NRG1: variants seen among roughly 807,000 people sequenced by gnomAD.
NRG1 encodes pro-neuregulin-1, membrane-bound isoform.
In NRG1, 18 loss-of-function variants were observed where a neutral mutation model predicts 63.8. That is an observed-to-expected ratio of 0.28 (90% confidence interval 0.19 to 0.42). The LOEUF (loss-of-function observed/expected upper bound fraction) is 0.42. NRG1 is among the 10% of genes least tolerant of loss of function. The pLI, the probability that NRG1 is intolerant of heterozygous loss-of-function variation, is 1.00. For missense variants in NRG1, 762 were observed against 814.7 expected, an observed-to-expected ratio of 0.94 and a Z score of 0.79; for synonymous variants, 302 against 301.3, an observed-to-expected ratio of 1.00 and a Z score of -0.02.
At chr8:31,898,136 T>C (rs533649049) in intron 1 of NRG1, among the ~76,000 whole-genome samples, 2 of 152,204 alleles carry the variant, frequency 1.3e-5, no homozygotes, top group South Asian at 4.2e-4. Flanking sequence ...CATATATTGA[T>C]TGATGTCTTA....
intron 5 of NRG1, among the ~76,000 whole-genome samples, chr8:32,703,608 A>C (rs1815559629): frequency 6.6e-6 from 1 of 152,184 alleles, no homozygotes; most frequent in African/African-American, 2.4e-5. Flanking sequence ...CTGACAGGAT[A>C]GAACACATTG....
intron 1 of NRG1, among the ~76,000 whole-genome samples, chr8:32,315,946 C>A (rs1450114778): frequency 1.4e-5 from 2 of 144,152 alleles, no homozygotes; most frequent in African/African-American, 5.9e-5. Flanking sequence ...TTTTGCTAGG[C>A]AGTGGAGTAC....
At chr8:32,124,969 A>G (rs982807204) in intron 1 of NRG1, among the ~76,000 whole-genome samples, 1 of 151,792 alleles carries the variant, frequency 6.6e-6, no homozygotes, top group African/African-American at 2.4e-5. Context: ...CTAAATCCCC[A>G]TTTTGCAGTA....
chr8:32,030,243 G>A (rs1818052054), intron 1 of NRG1: 1 of 152,166 alleles, frequency 6.6e-6, no homozygotes, highest in Non-Finnish European at 1.5e-5. Flanking sequence ...AATCCTAGGG[G>A]CAGCCTTGCA....
exon 3 of NRG1, chr8:32,605,639 G>A (rs1428189069): frequency 6.2e-7 from 1 of 1,613,448 alleles, no homozygotes; most frequent in Non-Finnish European, 8.5e-7. Context: ...AGCAAATTAG[G>A]AAATGACAGT....
At position 32,393,349 on chromosome 8, in the gene NRG1, T is replaced by A. The variant is rs540047487; in HGVS notation, c.38-202479T>A. Among the ~76,000 whole-genome samples the A allele has an allele frequency of 2.0e-5, 3 of 152,234 alleles. No individual in the cohort carries two copies. In the South Asian group the frequency reaches 6.2e-4, roughly 32 times the overall value. ...GCTTGTGTTAGTTGCTGTTATAAAT[T>A]AAACTACTACTCAACCCAGCAGTCC... On this transcript the variant is annotated intron_variant, in intron 1 of 10. Transcript: ENST00000519301.
intron 1 of NRG1, among the ~76,000 whole-genome samples, chr8:32,060,465 C>T (rs1013798051): frequency 6.6e-6 from 1 of 151,896 alleles, no homozygotes; most frequent in African/African-American, 2.4e-5. Context: ...CTAACTAAAG[C>T]CTTGCTTTTC....
At chr8:31,724,198 G>C (rs772688031) in intron 1 of NRG1, among the ~76,000 whole-genome samples, 3 of 152,088 alleles carry the variant, frequency 2.0e-5, no homozygotes, top group Non-Finnish European at 2.9e-5. Context: ...AATGTAGAGA[G>C]AAAACCTAGA....
chr8:31,705,884 G>A (rs1168609609), intron 1 of NRG1, among the ~76,000 whole-genome samples: 1 of 151,940 alleles, frequency 6.6e-6, no homozygotes, highest in Non-Finnish European at 1.5e-5. Flanking sequence ...CAATTTTATG[G>A]TACTTTTATG....
intron 1 of NRG1, among the ~76,000 whole-genome samples, chr8:32,072,119 C>T (rs527461647): frequency 6.6e-6 from 1 of 152,120 alleles, no homozygotes; most frequent in Non-Finnish European, 1.5e-5. Flanking sequence ...GAATATGACT[C>T]TCGCCATTAA....
intron 1 of NRG1, among the ~76,000 whole-genome samples, chr8:32,378,410 T>C (rs1168042218): frequency 6.6e-6 from 1 of 152,162 alleles, no homozygotes; most frequent in Non-Finnish European, 1.5e-5. Flanking sequence ...GCCACTGTGG[T>C]AGGTACTTAA....
chr8:32,216,515 T>C, intron 1 of NRG1, among the ~76,000 whole-genome samples: 1 of 149,558 alleles, frequency 6.7e-6, no homozygotes, highest in South Asian at 2.1e-4. Context: ...ACAACCTTAC[T>C]AATACATCCA....
chr8:32,544,613 C>A (rs2129521777), upstream of NRG1, among the ~76,000 whole-genome samples: 1 of 151,494 alleles, frequency 6.6e-6, no homozygotes, highest in South Asian at 2.1e-4. Flanking sequence ...AGGTGATCCT[C>A]CCACCTCAAC....
intron 1 of NRG1, among the ~76,000 whole-genome samples, chr8:32,391,069 A>T (rs1463693593): frequency 6.6e-6 from 1 of 151,996 alleles, no homozygotes; most frequent in Non-Finnish European, 1.5e-5. Context: ...GCTCTCAAGC[A>T]TCTTGTTAAA....
chr8:32,660,539 A>T (rs1368876715), intron 5 of NRG1, among the ~76,000 whole-genome samples: 1 of 152,234 alleles, frequency 6.6e-6, no homozygotes, highest in Non-Finnish European at 1.5e-5. Context: ...CGTGATTTAA[A>T]AAATTCACAT....
chr8:32,632,709 A>G (rs564109083), intron 5 of NRG1, among the ~76,000 whole-genome samples: 3 of 152,106 alleles, frequency 2.0e-5, no homozygotes, highest in Non-Finnish European at 2.9e-5. Context: ...AAGAAGGGAA[A>G]ATTGTTTCTA....
chr8:32,769,171 T>G (rs1009477607), downstream of NRG1, among the ~76,000 whole-genome samples: 1 of 152,206 alleles, frequency 6.6e-6, no homozygotes, highest in South Asian at 2.1e-4. Flanking sequence ...GATTGAGACA[T>G]TATTCTCAGT....
rs201102706 is a variant in NRG1, at chr8:32,614,584, C to T, written c.451+20C>T. 51 of 1,608,774 alleles carry T rather than the reference C, an allele frequency of 3.2e-5. No individual in the cohort carries two copies. In the Admixed American group the frequency reaches 8.0e-4, roughly 25 times the overall value. ...CTTCAGGTAAGGAAAATAAGCCTGG[C>T]AAATTTTACTAACCAGAATGACAAC... On this transcript the variant is annotated intron_variant, in intron 4 of 11. Transcript: ENST00000356819.
intron 1 of NRG1, among the ~76,000 whole-genome samples, chr8:32,300,535 A>G (rs1289843202): frequency 6.6e-6 from 1 of 152,238 alleles, no homozygotes; most frequent in African/African-American, 2.4e-5. Context: ...AAGCTAGGGA[A>G]CATGTGAAAA....
Sources: allele counts gnomAD v4.1 joint callset (sites outside exome capture counted in the v4.1 genomes callset), GRCh38; gene constraint gnomAD v4.1.1; transcripts MANE v1.5; gene names NCBI Gene and HGNC (gene_info 2026-07-23, HGNC 2026-07-21).